The following ZNF569 variants were observed in gnomAD, a reference collection of about 807,000 sequenced individuals.
The protein encoded by ZNF569 is DNA-binding protein.
In ZNF569, 38 loss-of-function variants were observed where a neutral mutation model predicts 56.3. The ratio of observed to expected loss-of-function variants is 0.68; its 90% CI spans 0.52 to 0.88. The LOEUF (loss-of-function observed/expected upper bound fraction) is 0.88. ZNF569 is among the 40% of genes least tolerant of loss of function. ZNF569 has a pLI of 0.00. For synonymous variants in ZNF569, 241 were observed against 262.9 expected (o/e 0.92, Z 0.81); for missense variants, 666 against 809.2 (o/e 0.82, Z 2.15).
chr19:37,461,865 C>A (rs2041762042), intron 2 of ZNF569, among the ~76,000 whole-genome samples: 1 of 152,172 alleles, frequency 6.6e-6, no homozygotes, highest in Non-Finnish European at 1.5e-5. Flanking sequence ...AAATCCAAAT[C>A]TCCCCCTAGC....
intron 3 of ZNF569, among the ~76,000 whole-genome samples, chr19:37,441,661 A>C (rs2041409013): frequency 1.3e-5 from 2 of 152,122 alleles, no homozygotes; most frequent in African/African-American, 4.8e-5. Context: ...GTTTCAAAAA[A>C]AAAAAAAGAA....
chr19:37,469,078 G>A, upstream of ZNF569: 1 of 1,024,050 alleles, frequency 9.8e-7, no homozygotes, highest in Non-Finnish European at 1.2e-6. Context: ...ACACCAGCCC[G>A]TGTAGTGTGA....
intron 3 of ZNF569, 122 bp from the exon 4 acceptor site, chr19:37,426,500 C>T (rs1240123388): frequency 9.4e-7 from 1 of 1,065,518 alleles, no homozygotes; most frequent in African/African-American, 1.6e-5. Flanking sequence ...ATATTAGCAG[C>T]ATCCTGTCAT....
At chr19:37,433,120 G>C (rs1314391850) in intron 3 of ZNF569, among the ~76,000 whole-genome samples, 1 of 151,736 alleles carries the variant, frequency 6.6e-6, no homozygotes, top group African/African-American at 2.4e-5. Flanking sequence ...TGCCCAAGCT[G>C]GTCTCAAACT....
In ZNF569 at chr19:37,425,992, G is replaced by C. The variant is rs769102598; in HGVS notation, c.143-29C>G. 3 of 1,606,688 alleles carry C rather than the reference G, an allele frequency of 1.9e-6. No individual in the cohort carries two copies. The South Asian group carries it at 3.3e-5, about 18-fold the overall frequency. ...TCAAAGGGAAGTTACATAGATTTGG[G>C]CATACATACTAGGAACAAAGAACCA... On this transcript the variant is annotated intron_variant, in intron 4 of 5. Coordinates refer to ENST00000316950, the MANE Select transcript of ZNF569 (RefSeq NM_152484.3).
chr19:37,443,308 T>C (rs763475692), intron 3 of ZNF569, among the ~76,000 whole-genome samples: 2 of 152,056 alleles, frequency 1.3e-5, no homozygotes. Context: ...ATCGCATCAC[T>C]GCACTCCACC....
chr19:37,463,438 C>T (rs530126755), intron 2 of ZNF569, among the ~76,000 whole-genome samples: 2 of 152,178 alleles, frequency 1.3e-5, no homozygotes, highest in Admixed American at 1.3e-4. Context: ...GTCAACACCC[C>T]TACTGCACTG....
chr19:37,420,955 C>A (rs2041025446), intron 5 of ZNF569, among the ~76,000 whole-genome samples: 1 of 152,190 alleles, frequency 6.6e-6, no homozygotes, highest in Non-Finnish European at 1.5e-5. Flanking sequence ...TATTAGCAGG[C>A]ATGAAAACCA....
intron 5 of ZNF569, among the ~76,000 whole-genome samples, chr19:37,419,107 CTG>C (rs1410329865): frequency 6.6e-6 from 1 of 152,036 alleles, no homozygotes; most frequent in African/African-American, 2.4e-5. Context: ...TGAAAAGTGT[CTG>C]TTCATGTCCG....
upstream of ZNF569, among the ~76,000 whole-genome samples, chr19:37,468,437 C>T (rs2041890031): frequency 1.3e-5 from 2 of 151,932 alleles, no homozygotes; most frequent in Admixed American, 6.6e-5. Flanking sequence ...GTGGCTCACG[C>T]CTGTGATCCC....
rs759747275 is a variant in ZNF569, at chr19:37,413,373, G to A, written c.1285C>T (p.Gln429Ter). The part of the protein sequence containing the change: ...FSHKKNFITH[Q>*]KIHTREKPYE... Reference sequence around the variant, plus strand: ...GGTTTCTCTCTAGTATGAATTTTCTGGTGTGTAATGAAGTTTTTCTTGTGG... The same window carrying A: ...GGTTTCTCTCTAGTATGAATTTTCTAGTGTGTAATGAAGTTTTTCTTGTGG... The change falls in exon 6 of 6, where the codon CAG becomes TAG. Residue 429 changes from glutamine to a stop codon, truncating the protein, a stop_gained. Coordinates refer to ENST00000316950, the MANE Select transcript of ZNF569 (RefSeq NM_152484.3). LOFTEE classifies it high-confidence loss of function. The A allele has an allele frequency of 6.2e-7, 1 of 1,609,170 alleles. No individual in the cohort carries two copies. Among genetic ancestry groups the A allele is most frequent in the Admixed American group, 1.7e-5 (1 of 58,834 alleles).
intron 3 of ZNF569, among the ~76,000 whole-genome samples, chr19:37,428,516 C>A (rs1430956016): frequency 7.5e-6 from 1 of 132,846 alleles, no homozygotes; most frequent in African/African-American, 2.9e-5. Flanking sequence ...GAACAAGACC[C>A]TGTCTCTTAA....
At chr19:37,426,197 GA>G (rs1177972349) in intron 4 of ZNF569, 54 bp downstream of exon 4, 49 of 1,542,742 alleles carry the variant, frequency 3.2e-5, no homozygotes, top group Admixed American at 4.0e-5. Flanking sequence ...ACACTGGGAG[GA>G]AAAAAAAGGT....
intron 5 of ZNF569, among the ~76,000 whole-genome samples, chr19:37,421,970 G>A (rs2041045646): frequency 6.6e-6 from 1 of 151,870 alleles, no homozygotes; most frequent in African/African-American, 2.4e-5. Context: ...GTCTGGTCTT[G>A]AACTCCTGGG....
intron 3 of ZNF569, among the ~76,000 whole-genome samples, chr19:37,436,191 T>G (rs2041306631): frequency 6.6e-6 from 1 of 152,152 alleles, no homozygotes; most frequent in South Asian, 2.1e-4. Flanking sequence ...GGAGGAATTT[T>G]GGAAACTATA....
At chr19:37,453,409 C>A (rs930444629) in intron 2 of ZNF569, among the ~76,000 whole-genome samples, 3 of 152,140 alleles carry the variant, frequency 2.0e-5, no homozygotes, top group African/African-American at 7.2e-5. Flanking sequence ...GGGTCCAAGT[C>A]TTCCTACACC....
chr19:37,414,338 A>C lies in ZNF569; in HGVS notation c.320T>G (p.Leu107Arg), dbSNP rs763433392. Reference protein sequence around the residue: ...RQVEVKFQKTLTEEKGNECQK... With the variant: ...RQVEVKFQKTRTEEKGNECQK... ...ACATTCATTGCCTTTTTCTTCAGTCAGTGTTTTCTGGAATTTAACTTCAAC... is the reference window on the plus strand; with the variant it reads ...ACATTCATTGCCTTTTTCTTCAGTCCGTGTTTTCTGGAATTTAACTTCAAC... Residue 107 changes from leucine (L) to arginine (R), a missense_variant, in exon 6 of 6, where the codon CTG (leucine) becomes CGG (arginine). Transcript: ENST00000316950. The C allele has an allele frequency of 1.2e-6, 2 of 1,613,244 alleles. No individual in the cohort carries two copies. Among genetic ancestry groups the C allele is most frequent in the Non-Finnish European group, 1.7e-6 (2 of 1,179,716 alleles).
intron 5 of ZNF569, among the ~76,000 whole-genome samples, chr19:37,417,158 T>C (rs1322987892): frequency 6.6e-6 from 1 of 152,174 alleles, no homozygotes; most frequent in East Asian, 1.9e-4. Flanking sequence ...TACCAGAAGC[T>C]GAAAGAGGCA....
intron 5 of ZNF569, 56 bp from the exon 6 acceptor site, chr19:37,414,475 TG>T: frequency 6.6e-7 from 1 of 1,513,808 alleles, no homozygotes; most frequent in Non-Finnish European, 8.8e-7. Flanking sequence ...TATTGTAATA[TG>T]AAGAACATTT....
Sources: gnomAD v4.1 joint callset for allele counts (sites outside exome capture counted in the v4.1 genomes callset) on GRCh38, gnomAD v4.1.1 for gene constraint, MANE v1.5 for transcripts, NCBI Gene and HGNC (gene_info 2026-07-23, HGNC 2026-07-21) for gene names.